The following SNX6 variants were observed in gnomAD, a reference collection of about 807,000 sequenced individuals.
The protein encoded by SNX6 is sorting nexin-6.
A neutral mutation model predicts 63.0 loss-of-function variants in SNX6; 34 were observed. That is an observed-to-expected ratio of 0.54 (90% CI 0.41 to 0.72). SNX6 has a LOEUF of 0.72. Among genes scored for constraint, SNX6 ranks in the 30% least tolerant of loss-of-function variants. The probability of loss-of-function intolerance (pLI) is 0.00; values close to 1 mark genes in which losing one functional copy is unlikely to be tolerated. For missense variants in SNX6, 398 were observed against 471.4 expected (o/e 0.84, Z 1.44); for synonymous variants, 170 against 164.2 (o/e 1.04, Z -0.27).
At chr14:34,614,022 G>A (rs1210243957) in intron 2 of SNX6, among the ~76,000 whole-genome samples, 2 of 151,854 alleles carry the variant, frequency 1.3e-5, no homozygotes, top group African/African-American at 4.8e-5. Context: ...GCAGCAAACT[G>A]CTTGAACCTG....
chr14:34,615,698 C>CA (rs1326374346), intron 2 of SNX6, among the ~76,000 whole-genome samples: 2 of 151,578 alleles, frequency 1.3e-5, no homozygotes, highest in Admixed American at 1.3e-4. Flanking sequence ...ACTCTACTGT[C>CA]AAACTCCTGG....
At chr14:34,564,226 C>T (rs1881066648) in intron 13 of SNX6, among the ~76,000 whole-genome samples, 1 of 152,034 alleles carries the variant, frequency 6.6e-6, no homozygotes, top group Admixed American at 6.6e-5. Flanking sequence ...CGGGGTTACA[C>T]TATGTTGGCC....
chr14:34,566,112 G>C (rs947118342), intron 13 of SNX6, among the ~76,000 whole-genome samples: 1 of 152,032 alleles, frequency 6.6e-6, no homozygotes, highest in Non-Finnish European at 1.5e-5. Context: ...TAAAAAAAAA[G>C]AAAAACAATG....
At position 34,586,317 on chromosome 14, in the gene SNX6, G is replaced by GT; in HGVS notation, c.719-13dup. 1 of 1,577,048 alleles carries GT rather than the reference G, an allele frequency of 6.3e-7. No individual in the cohort carries two copies. The highest frequency in any genetic ancestry group is 1.3e-5 in the African/African-American group (1 of 74,228). On this transcript the variant is annotated splice_polypyrimidine_tract_variant and intron_variant, in intron 8 of 13. Coordinates refer to ENST00000362031, the MANE Select transcript of SNX6 (RefSeq NM_152233.4). ...ATCATCTGCAGCACCTATGGAGAAA[G>GT]TTTTAAGAATTTAGTATACCTATTC...
At chr14:34,565,151 C>G (rs561714278) in intron 13 of SNX6, among the ~76,000 whole-genome samples, 1 of 149,998 alleles carries the variant, frequency 6.7e-6, no homozygotes, top group East Asian at 2.0e-4. Flanking sequence ...GATCTCAGCT[C>G]GCTGCAAGCT....
At chr14:34,576,572 C>T (rs1031241284) in intron 10 of SNX6, among the ~76,000 whole-genome samples, 6 of 151,692 alleles carry the variant, frequency 4.0e-5, no homozygotes. Flanking sequence ...CCGCAGCCTC[C>T]CGAGTAGCTG....
intron 10 of SNX6, among the ~76,000 whole-genome samples, chr14:34,579,670 A>T (rs1409253398): frequency 6.6e-6 from 1 of 151,968 alleles, no homozygotes; most frequent in Non-Finnish European, 1.5e-5. Context: ...CTATGAATAT[A>T]ATGTTGAGTA....
chr14:34,566,996 G>A (rs1164235146), intron 13 of SNX6, among the ~76,000 whole-genome samples: 1 of 151,956 alleles, frequency 6.6e-6, no homozygotes, highest in African/African-American at 2.4e-5. Context: ...GCCGAGGCAG[G>A]TGTATCACCT....
intron 2 of SNX6, among the ~76,000 whole-genome samples, chr14:34,617,535 G>A (rs1244660227): frequency 6.6e-6 from 1 of 150,522 alleles, no homozygotes; most frequent in Non-Finnish European, 1.5e-5. Flanking sequence ...AGCTACTCAG[G>A]GGACTGAGGC....
Position 34,597,572 on chromosome 14 carries a change from C to T in SNX6, c.590G>A (p.Gly197Glu). The T allele has an allele frequency of 6.2e-7, 1 of 1,604,372 alleles. No homozygotes were observed. The highest frequency in any genetic ancestry group is 8.5e-7 in the Non-Finnish European group (1 of 1,172,834). ...TACCTTTACTCCTGAAACGATTACT[C>T]CATCTGCTGATTTAACCATGTTTTT... The part of the protein sequence containing the change: ...FFKNMVKSAD[G>E]VIVSGVKDVD... Residue 197 changes from glycine (G) to glutamate (E), a missense_variant, in exon 7 of 14, where the codon GGA (glycine) becomes GAA (glutamate). By Grantham distance (98) the Gly-to-Glu change is moderately conservative. Coordinates refer to ENST00000362031, the MANE Select transcript of SNX6 (RefSeq NM_152233.4).
At chr14:34,607,926 A>T in intron 4 of SNX6, 104 bp downstream of exon 4, 1 of 575,376 alleles carries the variant, frequency 1.7e-6, no homozygotes, top group Non-Finnish European at 3.0e-6. Context: ...AACAAAACAA[A>T]ACAAAAAAAC....
chr14:34,593,390 T>C (rs1594721971), intron 7 of SNX6, among the ~76,000 whole-genome samples: 1 of 151,588 alleles, frequency 6.6e-6, no homozygotes, highest in Non-Finnish European at 1.5e-5. Flanking sequence ...AGGTCCAAGT[T>C]CACGTGCTGT....
chr14:34,590,938 A>C (rs983118340), intron 8 of SNX6, among the ~76,000 whole-genome samples: 1 of 152,234 alleles, frequency 6.6e-6, no homozygotes, highest in African/African-American at 2.4e-5. Context: ...ATGAATCTCA[A>C]AATAGTTTTT....
At chr14:34,610,439 CTAAAAT>C (rs1329355424) in intron 2 of SNX6, among the ~76,000 whole-genome samples, 1 of 149,792 alleles carries the variant, frequency 6.7e-6, no homozygotes, top group African/African-American at 2.4e-5. Flanking sequence ...TTCAAGTGCT[CTAAAAT>C]TAAGGAATGT....
intron 10 of SNX6, among the ~76,000 whole-genome samples, chr14:34,579,613 A>G (rs1339184410): frequency 1.3e-5 from 2 of 152,140 alleles, no homozygotes; most frequent in African/African-American, 4.8e-5. Flanking sequence ...TCTCTAAAAC[A>G]AAAAGAATAA....
chr14:34,572,119 G>T (rs1057045277), intron 11 of SNX6, among the ~76,000 whole-genome samples: 1 of 152,038 alleles, frequency 6.6e-6, no homozygotes, highest in Non-Finnish European at 1.5e-5. Context: ...AGTATATGAT[G>T]GTTTAAGTTG....
Position 34,563,130 on chromosome 14 carries a change from C to T in SNX6, c.1213G>A (p.Asp405Asn), listed in dbSNP as rs1350926064. 2.5e-6 allele frequency: 4 copies of T among 1,613,820 alleles called. No individual in the cohort carries two copies. The East Asian group carries it at 8.9e-5, about 36-fold the overall frequency. Residue 405 changes from aspartate (D) to asparagine (N), a missense_variant, in exon 14 of 14, where the codon GAC (aspartate) becomes AAC (asparagine). Coordinates refer to ENST00000362031, the MANE Select transcript of SNX6 (RefSeq NM_152233.4). ...LQNCLAVLNG[D>N]T The stretch of plus-strand genomic sequence containing the variant: ...GGAAGGCGGAGTGTGGCTTATGTGT[C>T]TCCATTTAACACTGCCAGGCAGTTC...
chr14:34,597,752 CT>C, intron 6 of SNX6, 107 bp from the exon 7 acceptor site: 1 of 636,050 alleles, frequency 1.6e-6, no homozygotes, highest in Non-Finnish European at 2.7e-6. Context: ...AGTTTTTAAT[CT>C]TAATAAAGTG....
At chr14:34,614,139 G>C (rs554551341) in intron 2 of SNX6, among the ~76,000 whole-genome samples, 1 of 151,602 alleles carries the variant, frequency 6.6e-6, no homozygotes, top group South Asian at 2.1e-4. Context: ...CAAAAAAACA[G>C]AATCTGGCTG....
Sources: allele counts gnomAD v4.1 joint callset (sites outside exome capture counted in the v4.1 genomes callset), GRCh38; gene constraint gnomAD v4.1.1; transcripts MANE v1.5; gene names NCBI Gene and HGNC (gene_info 2026-07-23, HGNC 2026-07-21).